The following PPP1R37 variants were observed in gnomAD, a reference collection of about 807,000 sequenced individuals.
PPP1R37 encodes the protein leucine rich repeat containing 68.
A neutral mutation model predicts 61.0 loss-of-function variants in PPP1R37; 21 were observed. The observed-to-expected ratio is 0.34, with a 90% CI of 0.24 to 0.50. PPP1R37 has a LOEUF of 0.50. PPP1R37 is among the 20% of genes least tolerant of loss of function. The pLI is 0.98. For missense variants in PPP1R37, 910 were observed against 952.7 expected (o/e 0.96, Z 0.59); for synonymous variants, 443 against 433.5 (o/e 1.02, Z -0.27).
rs34081163 is a variant in PPP1R37 at position 45,138,905 on chromosome 19, C to CTTTTTTTTTTTTTTTTTT, written c.300+302_300+319dup. On this transcript the variant is annotated intron_variant, in intron 2 of 12. Coordinates refer to ENST00000221462, the MANE Select transcript of PPP1R37 (RefSeq NM_019121.2). ...GTCTGAATTACAAAATTTATGTATT[C>CTTTTTTTTTTTTTTTTTT]TTTTTTTTTTTTTTTTTTTTTTTTT... is the stretch of plus-strand genomic sequence containing the variant. Among the ~76,000 whole-genome samples the CTTTTTTTTTTTTTTTTTT allele has an allele frequency of 1.1e-4, 8 of 73,058 alleles. 1 individual carries two copies. Among genetic ancestry groups the CTTTTTTTTTTTTTTTTTT allele is most frequent in the African/African-American group, 4.3e-4 (8 of 18,688 alleles). The allele number at this position is 73,058 out of a possible 152,430, so 47.9% of individuals were successfully genotyped here.
chr19:45,116,923 T>C (rs1968275395), intron 1 of PPP1R37, among the ~76,000 whole-genome samples: 1 of 150,586 alleles, frequency 6.6e-6, no homozygotes, highest in Admixed American at 6.6e-5. Flanking sequence ...TTTTTTTTTT[T>C]TTTTTTTGAG....
intron 1 of PPP1R37, among the ~76,000 whole-genome samples, chr19:45,095,590 G>A (rs1200427550): frequency 1.3e-5 from 2 of 151,938 alleles, no homozygotes; most frequent in South Asian, 2.1e-4. Context: ...AGGTGAAACC[G>A]CGTCTCTGCA....
In PPP1R37 at chr19:45,145,431, C is replaced by A; in HGVS notation, c.1375C>A (p.Arg459=). The change falls in exon 11 of 13, where the codon CGG becomes AGG. Residue 459 remains arginine, a synonymous_variant. Transcript: ENST00000221462. ...NGCKRNLVLA[R]EREEKEQPPQ... is the part of the protein sequence containing the mutation. Reference sequence around the variant, plus strand: ...CTGCAAGCGCAACTTGGTGCTGGCGCGGGAGAGGGAGGAGAAGGAGCAGCC... The same window carrying A: ...CTGCAAGCGCAACTTGGTGCTGGCGAGGGAGAGGGAGGAGAAGGAGCAGCC... 3 of 1,535,240 alleles carry A rather than the reference C, an allele frequency of 2.0e-6. No individual in the cohort carries two copies. Among genetic ancestry groups the A allele is most frequent in the Non-Finnish European group, 2.6e-6 (3 of 1,146,608 alleles).
At position 45,147,197 on chromosome 19, in the gene PPP1R37, G is replaced by C. The variant is rs1182309583; in HGVS notation, c.*635G>C. 6.6e-6 allele frequency: 1 copy of C among 152,546 alleles called. No homozygotes were observed. Among genetic ancestry groups the C allele is most frequent in the Admixed American group, 6.5e-5 (1 of 15,292 alleles). The allele number at this position is 152,546 out of a possible 1,614,324, so 9.4% of individuals were successfully genotyped here. On this transcript the variant is annotated 3_prime_UTR_variant, in exon 13 of 13. Transcript: ENST00000221462. ...CTTTGGGGGCGAGTGGCATGGGTGT[G>C]GGTGAGGGTGGGCAGAGGGCTGGGG...
At position 45,121,354 on chromosome 19, in the gene PPP1R37, T is replaced by C. The variant is rs578050236; in HGVS notation, c.203-17160T>C. On this transcript the variant is annotated intron_variant, in intron 1 of 12. Coordinates refer to ENST00000221462, the MANE Select transcript of PPP1R37 (RefSeq NM_019121.2). This position sits in a 1 kb window ranked among gnomAD's most constrained non-coding sequence, Gnocchi z 4.2. The stretch of plus-strand genomic sequence containing the variant: ...TCTGTCTCCCTGCCATGGGAGGCAG[T>C]GCATGTGTCAGCCATGGCCCTCGGC... 6.6e-6 allele frequency among the ~76,000 whole-genome samples: 1 copy of C among 152,342 alleles called. No homozygotes were observed. The highest frequency in any genetic ancestry group is 2.1e-4 in the South Asian group (1 of 4,834).
intron 1 of PPP1R37, among the ~76,000 whole-genome samples, chr19:45,129,756 C>G (rs1014283138): frequency 1.3e-5 from 2 of 152,206 alleles, no homozygotes; most frequent in African/African-American, 4.8e-5. Flanking sequence ...CCTGCCGTAC[C>G]TGTGCCTCTC....
In PPP1R37 at chr19:45,145,820, C is replaced by T; in HGVS notation, c.1764C>T (p.Thr588=). 7.1e-7 allele frequency: 1 copy of T among 1,404,744 alleles called. No individual in the cohort carries two copies. Among genetic ancestry groups the T allele is most frequent in the South Asian group, 1.4e-5 (1 of 69,128 alleles). The allele number at this position is 1,404,744 out of a possible 1,614,324, so 87.0% of individuals were successfully genotyped here. ...GGGCAGAGCCCCCTGCGTCCCCCAC[C>T]CCTCCCTCTCCCCCACCCCCTCCCT... ...PERAEPPASP[T]PPSPPPPPSP... Residue 588 remains threonine, a synonymous_variant, in exon 11 of 13, where the codon ACC becomes ACT. Transcript: ENST00000221462.
In PPP1R37 at chr19:45,138,619, C is replaced by T. The variant is rs1041494640; in HGVS notation, c.300+8C>T. On this transcript the variant is annotated splice_region_variant and intron_variant, in intron 2 of 12. Coordinates refer to ENST00000221462, the MANE Select transcript of PPP1R37 (RefSeq NM_019121.2). Reference sequence around the variant, plus strand: ...CTCCTCAGGCAGCTGCAGGTATGGGCGGGACAGGGTGGGTGCGTCCGGTGT... The same window carrying T: ...CTCCTCAGGCAGCTGCAGGTATGGGTGGGACAGGGTGGGTGCGTCCGGTGT... 2.0e-5 allele frequency: 12 copies of T among 587,238 alleles called. No individual in the cohort carries two copies. The highest frequency in any genetic ancestry group is 5.8e-5 in the African/African-American group (3 of 51,884). 36.4% of individuals were successfully genotyped at this position (587,238 alleles called of 1,614,324 possible). A position where few individuals can be genotyped will look rare whatever the true frequency, so the allele number is the denominator to read the frequency against.
chr19:45,139,959 T>G (rs1968588291), intron 2 of PPP1R37, among the ~76,000 whole-genome samples: 1 of 152,212 alleles, frequency 6.6e-6, no homozygotes, highest in Admixed American at 6.5e-5. Flanking sequence ...CTGGGCCCAC[T>G]CCCTCACTCG....
In PPP1R37 at chr19:45,130,688, G is replaced by A. The variant is rs1424470177; in HGVS notation, c.203-7826G>A. Among the ~76,000 whole-genome samples, 2 of 152,172 alleles carry A rather than the reference G, an allele frequency of 1.3e-5. No homozygotes were observed. The highest frequency in any genetic ancestry group is 2.9e-5 in the Non-Finnish European group (2 of 68,034). On this transcript the variant is annotated intron_variant, in intron 1 of 12. Transcript: ENST00000221462. The surrounding 1 kb of genome is among the most constrained non-coding windows in gnomAD (Gnocchi z 4.4). ...AGCCTGGTTGCCATCACAGTCATAT[G>A]GGGACCTGTTAAAATCTGGGCCCCT...
At chr19:45,104,131 G>C (rs1473196576) in intron 1 of PPP1R37, among the ~76,000 whole-genome samples, 1 of 152,038 alleles carries the variant, frequency 6.6e-6, no homozygotes, top group Non-Finnish European at 1.5e-5. Context: ...TGCCCTTCCT[G>C]ACCAACTCCC....
chr19:45,129,466 T>C (rs1968449732), intron 1 of PPP1R37, among the ~76,000 whole-genome samples: 1 of 152,092 alleles, frequency 6.6e-6, no homozygotes, highest in Admixed American at 6.6e-5. Flanking sequence ...GCCAGGCTAA[T>C]TTTTGTATTT....
At chr19:45,132,937 G>A (rs1968496467) in intron 1 of PPP1R37, among the ~76,000 whole-genome samples, 1 of 152,126 alleles carries the variant, frequency 6.6e-6, no homozygotes, top group African/African-American at 2.4e-5. Context: ...TCACTCACTC[G>A]CCACACGACC....
chr19:45,133,176 C>T (rs997849557), intron 1 of PPP1R37, among the ~76,000 whole-genome samples: 2 of 151,886 alleles, frequency 1.3e-5, no homozygotes, highest in Non-Finnish European at 2.9e-5. Flanking sequence ...CTCCACCTCC[C>T]GGGTTCAAGT....
chr19:45,129,999 T>C (rs1336643252), intron 1 of PPP1R37, among the ~76,000 whole-genome samples: 1 of 152,168 alleles, frequency 6.6e-6, no homozygotes, highest in Non-Finnish European at 1.5e-5. Flanking sequence ...AGTAAAAGGA[T>C]GTCTCTTGGG....
chr19:45,128,885 G>A (rs1968442144), intron 1 of PPP1R37: 2 of 658,944 alleles, frequency 3.0e-6, no homozygotes, highest in South Asian at 1.5e-5. Flanking sequence ...GGACAGCAGG[G>A]AGGTGCGAGA....
rs77593388 is a variant in PPP1R37 at position 45,114,924 on chromosome 19, C to G, written c.202+21397C>G. Among the ~76,000 whole-genome samples the G allele has an allele frequency of 6.2e-3, 950 of 152,258 alleles. 8 individuals carry two copies. Among genetic ancestry groups the G allele is most frequent in the African/African-American group, 0.021 (889 of 41,536 alleles). ...GCTTATGGAGGCCATAAAGGAACCC[C>G]CTAACTCCCCCTACACATCCCAGCA... On this transcript the variant is annotated intron_variant, in intron 1 of 12. Transcript: ENST00000221462.
At chr19:45,142,484 A>ACACCCGTCACCCAG in intron 7 of PPP1R37, 26 bp downstream of exon 7, 1 of 1,531,804 alleles carries the variant, frequency 6.5e-7, no homozygotes, top group Non-Finnish European at 8.7e-7. Flanking sequence ...CACCCCACCC[A>ACACCCGTCACCCAG]CACCCGTCAC....
rs1428975788 is a variant in PPP1R37 at position 45,128,781 on chromosome 19, A to G, written c.203-9733A>G. 4 of 641,318 alleles carry G rather than the reference A, an allele frequency of 6.2e-6. No individual in the cohort carries two copies. The African/African-American group carries it at 7.4e-5, about 12-fold the overall frequency. 39.7% of individuals were successfully genotyped at this position (641,318 alleles called of 1,614,324 possible). On this transcript the variant is annotated intron_variant, in intron 1 of 12. Transcript: ENST00000221462. ...CTTTACTGGGAAGAAATATAAAAAT[A>G]ACTGCCTGTCACCTTATAATGTGGG...
Sources: gnomAD v4.1 joint callset for allele counts (sites outside exome capture counted in the v4.1 genomes callset) on GRCh38, gnomAD v4.1.1 for gene constraint, Gnocchi (gnomAD v3.1) non-coding constraint, MANE v1.5 for transcripts, NCBI Gene and HGNC (gene_info 2026-07-23, HGNC 2026-07-21) for gene names.